The following LAMA1 variants were observed in gnomAD, a reference collection of about 807,000 sequenced individuals.
The protein encoded by LAMA1 is laminin subunit alpha 1.
Under a neutral mutation model 348.7 loss-of-function variants are expected in LAMA1, and 219 were observed. The ratio of observed to expected loss-of-function variants is 0.63; its 90% confidence interval spans 0.56 to 0.70. LAMA1 has a LOEUF of 0.70. LAMA1 is among the 30% of genes least tolerant of loss of function. The pLI is 0.00. For missense variants in LAMA1, 3,744 were observed against 3,888.0 expected (o/e 0.96, Z 0.99); for synonymous variants, 1,487 against 1,491.0 (o/e 1.00, Z 0.06).
chr18:6,962,764 C>T (rs1237629771), intron 51 of LAMA1, among the ~76,000 whole-genome samples: 1 of 152,208 alleles, frequency 6.6e-6, no homozygotes, highest in East Asian at 1.9e-4. Flanking sequence ...TGACTGCTAA[C>T]AAAGGAAGTC....
chr18:7,012,887 CG>C (rs1440748340), intron 23 of LAMA1, among the ~76,000 whole-genome samples: 2 of 149,216 alleles, frequency 1.3e-5, no homozygotes, highest in Non-Finnish European at 3.0e-5. Context: ...AGTCTGGGCA[CG>C]GTGGTTCACA....
At chr18:7,080,831 A>G (rs1184738152) in intron 1 of LAMA1, among the ~76,000 whole-genome samples, 3 of 152,116 alleles carry the variant, frequency 2.0e-5, no homozygotes, top group Non-Finnish European at 4.4e-5. Context: ...GTATCTTAGT[A>G]TGTGCACGTT....
chr18:7,101,471 T>C (rs778013842), intron 1 of LAMA1, among the ~76,000 whole-genome samples: 2 of 152,154 alleles, frequency 1.3e-5, no homozygotes, highest in Non-Finnish European at 2.9e-5. Flanking sequence ...GTTTGAAGGA[T>C]ATGGCCTAGG....
At chr18:7,104,713 C>T (rs11664877) in intron 1 of LAMA1, among the ~76,000 whole-genome samples, 2,759 of 152,304 alleles carry the variant, frequency 0.018, 41 homozygotes, top group East Asian at 0.09. Context: ...TGGCATGACA[C>T]GGTCAACCTC....
chr18:6,986,012 C>A lies in LAMA1; in HGVS notation c.5379+125G>T. 3 of 1,014,896 alleles carry A rather than the reference C, an allele frequency of 3.0e-6. No individual in the cohort carries two copies. In the East Asian group the frequency reaches 7.2e-5, roughly 24 times the overall value. 62.9% of individuals were successfully genotyped at this position (1,014,896 alleles called of 1,614,324 possible). ...TGACCTCATGATCTGCCTGCCTCGG[C>A]CTCCCAAAGTGCTGGGATTACAAGC... On this transcript the variant is annotated intron_variant, in intron 37 of 62. Transcript: ENST00000389658.
At chr18:7,026,638 G>C (rs539859186) in intron 16 of LAMA1, among the ~76,000 whole-genome samples, 1 of 152,244 alleles carries the variant, frequency 6.6e-6, no homozygotes, top group African/African-American at 2.4e-5. Flanking sequence ...AAGTATTCCG[G>C]CCTGAATAAT....
At chr18:6,987,182 T>G (rs976831089) in intron 36 of LAMA1, among the ~76,000 whole-genome samples, 1 of 152,220 alleles carries the variant, frequency 6.6e-6, no homozygotes, top group Admixed American at 6.5e-5. Context: ...ATCCGAACAC[T>G]TAAACTTTCT....
intron 33 of LAMA1, 147 bp downstream of exon 33, chr18:6,997,595 G>C (rs2057787521): frequency 6.2e-6 from 5 of 807,644 alleles, no homozygotes; most frequent in Non-Finnish European, 1.1e-5. Context: ...CACAGTCAAG[G>C]AAAGACTGGA....
chr18:6,959,597 T>C, intron 53 of LAMA1, 105 bp from the exon 54 acceptor site: 1 of 1,164,534 alleles, frequency 8.6e-7, no homozygotes, highest in Non-Finnish European at 1.3e-6. Context: ...ATCAAGTGAG[T>C]AGAGCAATTC....
At position 7,049,092 on chromosome 18, in the gene LAMA1, T is replaced by C. The variant is rs776282070; in HGVS notation, c.754A>G (p.Ile252Val). ...SHREPKELDP[I>V]VTRRYYYSIK... ...CCCATACTCACGCGTCTGGTAACAA[T>C]AGGATCCAGTTCTTTAGGTTCCCGG... is the stretch of plus-strand genomic sequence containing the variant. The change falls in exon 5 of 63, where the codon ATT (isoleucine) becomes GTT (valine). Residue 252 changes from isoleucine to valine, a missense_variant. By Grantham distance (29) the Ile-to-Val change is conservative. This residue lies in a region of LAMA1 where 1,529 missense variants were observed against 1,689.4 expected (regional missense o/e 0.91). Transcript: ENST00000389658. 1.2e-6 allele frequency: 2 copies of C among 1,614,098 alleles called. No homozygotes were observed. Among genetic ancestry groups the C allele is most frequent in the South Asian group, 1.1e-5 (1 of 91,076 alleles).
chr18:7,080,367 T>C lies in LAMA1; in HGVS notation c.152A>G (p.Lys51Arg), dbSNP rs2058188344. 6.8e-6 allele frequency: 11 copies of C among 1,614,152 alleles called. 1 individual carries two copies. The highest frequency in any genetic ancestry group is 2.2e-5 in the South Asian group (2 of 91,088). ...CCGACCTGGCACATGCTCCACAAGT[T>C]TGCAGAACATCTCCGGCCCCTTCTC... The part of the protein sequence containing the change: ...CGEKGPEMFC[K>R]LVEHVPGRPV... Residue 51 changes from lysine to arginine, a missense_variant, in exon 2 of 63, where the codon AAA becomes AGA. By Grantham distance (26) the Lys-to-Arg change is conservative. Coordinates refer to ENST00000389658, the MANE Select transcript of LAMA1 (RefSeq NM_005559.4).
At chr18:6,997,704 T>C (rs201444861) in intron 33 of LAMA1, 38 bp downstream of exon 33, 1 of 1,602,450 alleles carries the variant, frequency 6.2e-7, no homozygotes, top group Middle Eastern at 1.7e-4. Flanking sequence ...CCCTTAATGA[T>C]ACAAGTGTCT....
chr18:6,979,841 G>A (rs1284870870), intron 42 of LAMA1, among the ~76,000 whole-genome samples: 1 of 152,202 alleles, frequency 6.6e-6, no homozygotes, highest in Non-Finnish European at 1.5e-5. Context: ...GGAGCTTGCA[G>A]TGAGCCAAGA....
chr18:7,038,915 C>T lies in LAMA1; in HGVS notation c.1458G>A (p.Lys486=). Reference sequence around the variant, plus strand: ...TTTCCTTCAAGTTATAGAATCCTGGCTTGCAGCGATCACAGGCCTTCCCCT... The same window carrying T: ...TTTCCTTCAAGTTATAGAATCCTGGTTTGCAGCGATCACAGGCCTTCCCCT... ...NVEGKACDRC[K]PGFYNLKEKN... The change falls in exon 11 of 63, where the codon AAG becomes AAA. Residue 486 remains lysine, a synonymous_variant. Coordinates refer to ENST00000389658, the MANE Select transcript of LAMA1 (RefSeq NM_005559.4). 6.2e-7 allele frequency: 1 copy of T among 1,614,024 alleles called. No homozygotes were observed. The highest frequency in any genetic ancestry group is 1.3e-5 in the African/African-American group (1 of 75,044).
intron 55 of LAMA1, 54 bp downstream of exon 55, chr18:6,958,423 C>T (rs1373095209): frequency 2.7e-5 from 43 of 1,576,814 alleles, no homozygotes; most frequent in Non-Finnish European, 3.6e-5. Context: ...AGTGTTAGCA[C>T]TCACCATGAA....
chr18:7,029,175 A>G (rs1489070524), intron 16 of LAMA1, among the ~76,000 whole-genome samples: 1 of 152,164 alleles, frequency 6.6e-6, no homozygotes, highest in Non-Finnish European at 1.5e-5. Flanking sequence ...GAATCTATTA[A>G]TAAGTGCACC....
intron 1 of LAMA1, among the ~76,000 whole-genome samples, chr18:7,101,871 G>T (rs1365306109): frequency 6.7e-6 from 1 of 150,040 alleles, no homozygotes; most frequent in East Asian, 2.0e-4. Flanking sequence ...AGCTGGGGGG[G>T]TCTCCCTATG....
intron 3 of LAMA1, among the ~76,000 whole-genome samples, chr18:7,073,475 C>T (rs909274235): frequency 6.6e-6 from 1 of 152,192 alleles, no homozygotes; most frequent in Non-Finnish European, 1.5e-5. Flanking sequence ...GAACTGACTT[C>T]TCCAGGTACT....
At chr18:7,098,110 C>CA (rs2058270331) in intron 1 of LAMA1, among the ~76,000 whole-genome samples, 1 of 149,216 alleles carries the variant, frequency 6.7e-6, no homozygotes, top group African/African-American at 2.5e-5. Context: ...CTCAGCCTCC[C>CA]GAGGTGCCGG....
Sources: allele counts gnomAD v4.1 joint callset (sites outside exome capture counted in the v4.1 genomes callset), GRCh38; gene constraint gnomAD v4.1.1; regional missense constraint gnomAD v4.1.1; transcripts MANE v1.5; gene names NCBI Gene and HGNC (gene_info 2026-07-23, HGNC 2026-07-21).